Variants in GTSE1 observed in about 807,000 individuals in gnomAD.
The protein encoded by GTSE1 is G2 and S phase-expressed protein 1.
In GTSE1, 52 loss-of-function variants were observed where a neutral mutation model predicts 60.5. The ratio of observed to expected loss-of-function variants is 0.86; its 90% CI spans 0.69 to 1.08. The LOEUF (loss-of-function observed/expected upper bound fraction) is 1.08, where lower values mean the gene tolerates loss of function less well. Among genes scored for constraint, GTSE1 ranks in the 50% least tolerant of loss-of-function variants. The pLI is 0.00. For synonymous variants in GTSE1, 368 were observed against 386.5 expected (o/e 0.95, Z 0.56); for missense variants, 937 against 961.8 (o/e 0.97, Z 0.34).
At position 46,312,254 on chromosome 22, in the gene GTSE1, C is replaced by T. The variant is rs906683787; in HGVS notation, c.876C>T (p.Ala292=). Residue 292 remains alanine (A), a synonymous_variant, in exon 5 of 12, where the codon GCC becomes GCT. Coordinates refer to ENST00000454366, the MANE Select transcript of GTSE1 (RefSeq NM_016426.7). Reference sequence around the variant, plus strand: ...CCCCGGGTGCTGTCAATGTGCCGGCCGCCGGAAGCCACTTGGGCCAGGGCA... The same window carrying T: ...CCCCGGGTGCTGTCAATGTGCCGGCTGCCGGAAGCCACTTGGGCCAGGGCA... ...KPAPGAVNVP[A]AGSHLGQGKR... is the part of the protein sequence containing the mutation. The T allele has an allele frequency of 9.9e-6, 16 of 1,613,922 alleles. No individual in the cohort carries two copies. The highest frequency in any genetic ancestry group is 6.7e-5 in the African/African-American group (5 of 74,934).
At chr22:46,308,022 A>G in intron 2 of GTSE1, 128 bp from the exon 3 acceptor site, 1 of 682,838 alleles carries the variant, frequency 1.5e-6, no homozygotes, top group South Asian at 1.8e-5. Flanking sequence ...AATTAGCATC[A>G]TGACAGGATA....
rs776982097 is a variant in GTSE1, at chr22:46,309,224, G to A, written c.762+281G>A. On this transcript the variant is annotated intron_variant, in intron 4 of 11. Transcript: ENST00000454366. The surrounding 1 kb of genome is among the most constrained non-coding windows in gnomAD (Gnocchi z 6.2). ...ATACCACACAGTAGGGATTTCATTT[G>A]CTTTAATAAGCAACCTCTTCCAAAA... Among the ~76,000 whole-genome samples the A allele has an allele frequency of 2.6e-5, 4 of 152,212 alleles. No homozygotes were observed. Among genetic ancestry groups the A allele is most frequent in the South Asian group, 2.1e-4 (1 of 4,834 alleles).
rs2147825385 is a variant in GTSE1, at chr22:46,317,707, T to C, written c.1432+1295T>C. Among the ~76,000 whole-genome samples, 1 of 152,350 alleles carries C rather than the reference T, an allele frequency of 6.6e-6. No homozygotes were observed. Among genetic ancestry groups the C allele is most frequent in the Middle Eastern group, 3.4e-3 (1 of 294 alleles). On this transcript the variant is annotated intron_variant, in intron 7 of 11. Transcript: ENST00000454366. This position sits in a 1 kb window ranked among gnomAD's most constrained non-coding sequence, Gnocchi z 5.6. ...CGAGGCTTTTTATGCTTTGAAGTGG[T>C]GGGTCTAGCATAGCCTTTCCGCCTC...
At position 46,316,303 on chromosome 22, in the gene GTSE1, T is replaced by C. The variant is rs1041649410; in HGVS notation, c.1323T>C (p.Ser441=). 1.2e-6 allele frequency: 2 copies of C among 1,614,136 alleles called. No homozygotes were observed. Among genetic ancestry groups the C allele is most frequent in the Non-Finnish European group, 1.7e-6 (2 of 1,179,994 alleles). Residue 441 remains serine (S), a synonymous_variant, in exon 7 of 12, where the codon TCT becomes TCC. Coordinates refer to ENST00000454366, the MANE Select transcript of GTSE1 (RefSeq NM_016426.7). This position sits in a 1 kb window ranked among gnomAD's most constrained non-coding sequence, Gnocchi z 5.0. ...LNSSCAWSES[S]QLNKTRSIRR... ...CCAGTTGCGCTTGGTCAGAATCTTC[T>C]CAATTGAATAAGACTAGAAGTATCA...
chr22:46,301,504 T>A (rs1157778935), intron 2 of GTSE1, among the ~76,000 whole-genome samples: 5 of 150,610 alleles, frequency 3.3e-5, no homozygotes, highest in Non-Finnish European at 5.9e-5. Flanking sequence ...TTTTTTTTTT[T>A]AAGACAGAGT....
At position 46,308,611 on chromosome 22, in the gene GTSE1, A is replaced by C; in HGVS notation, c.430A>C (p.Lys144Gln). Reference protein sequence around the residue: ...VERFIQESKLKINLFEKEKEM... With the variant: ...VERFIQESKLQINLFEKEKEM... ...AAGATTCATACAGGAGTCAAAATTA[A>C]AAATAAACCTCTTTGAGAAAGAAAA... The change falls in exon 4 of 12, where the codon AAA (lysine) becomes CAA (glutamine). Residue 144 changes from lysine to glutamine, a missense_variant. Coordinates refer to ENST00000454366, the MANE Select transcript of GTSE1 (RefSeq NM_016426.7). 6.2e-7 allele frequency: 1 copy of C among 1,614,126 alleles called. No individual in the cohort carries two copies. Among genetic ancestry groups the C allele is most frequent in the Non-Finnish European group, 8.5e-7 (1 of 1,180,024 alleles).
chr22:46,323,123 G>A (rs763068796), intron 7 of GTSE1, 67 bp from the exon 8 acceptor site: 11 of 1,020,812 alleles, frequency 1.1e-5, no homozygotes, highest in Non-Finnish European at 1.4e-5. Flanking sequence ...ATTCGGTGAC[G>A]ATCCCCCAAC....
In GTSE1 at chr22:46,329,562, G is replaced by A. The variant is rs774920876; in HGVS notation, c.2131G>A (p.Gly711Arg). 1 of 1,612,424 alleles carries A rather than the reference G, an allele frequency of 6.2e-7. No homozygotes were observed. The highest frequency in any genetic ancestry group is 2.2e-5 in the East Asian group (1 of 44,876). The stretch of plus-strand genomic sequence containing the variant: ...TGTGGCCAAACCTTCACCGGTGGTG[G>A]GACAGGTGAGAAGTGGCAGGTGGTT... ...KNVAKPSPVV[G>R]QLIDLSSPLI... Residue 711 changes from glycine (G) to arginine (R), a missense_variant, in exon 11 of 12, where the codon GGA becomes AGA. Gly to Arg is a moderately radical substitution (Grantham distance 125). Coordinates refer to ENST00000454366, the MANE Select transcript of GTSE1 (RefSeq NM_016426.7). This position sits in a 1 kb window ranked among gnomAD's most constrained non-coding sequence, Gnocchi z 6.4.
In GTSE1 at chr22:46,316,321, A is replaced by T; in HGVS notation, c.1341A>T (p.Arg447Ser). ...WSESSQLNKT[R>S]SIRRRDSCLN... is the part of the protein sequence containing the mutation. The stretch of plus-strand genomic sequence containing the variant: ...AATCTTCTCAATTGAATAAGACTAG[A>T]AGTATCAGACGGCGAGATTCCTGTC... Residue 447 changes from arginine to serine, a missense_variant, in exon 7 of 12, where the codon AGA (arginine) becomes AGT (serine). Transcript: ENST00000454366. The surrounding 1 kb of genome is among the most constrained non-coding windows in gnomAD (Gnocchi z 5.0). 1 of 1,613,844 alleles carries T rather than the reference A, an allele frequency of 6.2e-7. No homozygotes were observed. The highest frequency in any genetic ancestry group is 8.5e-7 in the Non-Finnish European group (1 of 1,179,716).
Position 46,329,307 on chromosome 22 carries a change from G to A in GTSE1, c.1927-51G>A, listed in dbSNP as rs1412368654. Reference sequence around the variant, plus strand: ...AGCAAAGCTCACATTCTCCCAAGATGGTTGCCAGAAAGATGCTGGACTCTG... The same window carrying A: ...AGCAAAGCTCACATTCTCCCAAGATAGTTGCCAGAAAGATGCTGGACTCTG... On this transcript the variant is annotated intron_variant, in intron 10 of 11. Coordinates refer to ENST00000454366, the MANE Select transcript of GTSE1 (RefSeq NM_016426.7). This position sits in a 1 kb window ranked among gnomAD's most constrained non-coding sequence, Gnocchi z 6.4. 7.1e-7 allele frequency: 1 copy of A among 1,403,002 alleles called. No homozygotes were observed. The highest frequency in any genetic ancestry group is 1.4e-5 in the African/African-American group (1 of 70,774). The allele number at this position is 1,403,002 out of a possible 1,614,324, so 86.9% of individuals were successfully genotyped here.
rs2077766898 is a variant in GTSE1 at position 46,314,416 on chromosome 22, T to C, written c.1051+403T>C. Among the ~76,000 whole-genome samples the C allele has an allele frequency of 6.6e-6, 1 of 152,154 alleles. No individual in the cohort carries two copies. The highest frequency in any genetic ancestry group is 2.4e-5 in the African/African-American group (1 of 41,436). ...TTTAAATCCATGCTCCCACACCTGTTTGAGGTCAAGCCACATTTCAACCTT... is the reference window on the plus strand; with the variant it reads ...TTTAAATCCATGCTCCCACACCTGTCTGAGGTCAAGCCACATTTCAACCTT... On this transcript the variant is annotated intron_variant, in intron 6 of 11. Coordinates refer to ENST00000454366, the MANE Select transcript of GTSE1 (RefSeq NM_016426.7). This position sits in a 1 kb window ranked among gnomAD's most constrained non-coding sequence, Gnocchi z 7.1.
In GTSE1 at chr22:46,317,218, C is replaced by T. The variant is rs181818906; in HGVS notation, c.1432+806C>T. On this transcript the variant is annotated intron_variant, in intron 7 of 11. Coordinates refer to ENST00000454366, the MANE Select transcript of GTSE1 (RefSeq NM_016426.7). The surrounding 1 kb of genome is among the most constrained non-coding windows in gnomAD (Gnocchi z 5.6). The stretch of plus-strand genomic sequence containing the variant: ...CTGACCTCAAGTGACCCACCCATCT[C>T]GGCCTCTCAAACTGCTGGGATTATA... Among the ~76,000 whole-genome samples, 351 of 152,290 alleles carry T rather than the reference C, an allele frequency of 2.3e-3. No individual in the cohort carries two copies. The highest frequency in any genetic ancestry group is 7.8e-3 in the African/African-American group (326 of 41,556).
intron 2 of GTSE1, among the ~76,000 whole-genome samples, chr22:46,303,208 C>T (rs1173666806): frequency 6.6e-6 from 1 of 152,110 alleles, no homozygotes; most frequent in Non-Finnish European, 1.5e-5. Context: ...TCTACTTTCC[C>T]TCTTTATTTG....
chr22:46,299,845 T>G (rs2077679216), intron 2 of GTSE1, among the ~76,000 whole-genome samples: 1 of 151,478 alleles, frequency 6.6e-6, no homozygotes. Context: ...CAGGCTGGAG[T>G]GCAGTGGCGT....
rs1377362994 is a variant in GTSE1, at chr22:46,297,811, T to C, written c.79+332T>C. ...GCTGGTTTCTGTTTGCTAAGACTTA[T>C]TTAGGATCTTTGAGACCATGTTAAT... On this transcript the variant is annotated intron_variant, in intron 2 of 11. Coordinates refer to ENST00000454366, the MANE Select transcript of GTSE1 (RefSeq NM_016426.7). The surrounding 1 kb of genome is among the most constrained non-coding windows in gnomAD (Gnocchi z 4.9). Among the ~76,000 whole-genome samples, 1 of 152,166 alleles carries C rather than the reference T, an allele frequency of 6.6e-6. No individual in the cohort carries two copies. The highest frequency in any genetic ancestry group is 1.5e-5 in the Non-Finnish European group (1 of 68,032).
rs1000384712 is a variant in GTSE1 at position 46,329,946 on chromosome 22, G to A, written c.2137-101G>A. The A allele has an allele frequency of 1.1e-5, 8 of 754,586 alleles. No homozygotes were observed. Among genetic ancestry groups the A allele is most frequent in the Non-Finnish European group, 1.9e-5 (8 of 417,968 alleles). 46.7% of individuals were successfully genotyped at this position (754,586 alleles called of 1,614,324 possible). ...TCAGTGCACCCGAGCCAGGATGAGC[G>A]AGTGGCTGTGATGACCCACGCAGCC... is the stretch of plus-strand genomic sequence containing the variant. On this transcript the variant is annotated intron_variant, in intron 11 of 11. Coordinates refer to ENST00000454366, the MANE Select transcript of GTSE1 (RefSeq NM_016426.7). This position sits in a 1 kb window ranked among gnomAD's most constrained non-coding sequence, Gnocchi z 6.4.
chr22:46,299,700 T>C (rs1049438965), intron 2 of GTSE1, among the ~76,000 whole-genome samples: 1 of 152,254 alleles, frequency 6.6e-6, no homozygotes, highest in Non-Finnish European at 1.5e-5. Flanking sequence ...TGTCAGGGGA[T>C]ATTATCTGCT....
At position 46,297,004 on chromosome 22, in the gene GTSE1, G is replaced by T. The variant is rs2077660280; in HGVS notation, c.-22+73G>T. 1 of 190,526 alleles carries T rather than the reference G, an allele frequency of 5.2e-6. No individual in the cohort carries two copies. Among genetic ancestry groups the T allele is most frequent in the Non-Finnish European group, 1.1e-5 (1 of 90,926 alleles). 11.8% of individuals were successfully genotyped at this position (190,526 alleles called of 1,614,324 possible). ...TGCGGCGCGGTGCCCGCCGTTTTCGGGACGGGGAGGGGCCGCGCCCCGCCA... is the reference window on the plus strand; with the variant it reads ...TGCGGCGCGGTGCCCGCCGTTTTCGTGACGGGGAGGGGCCGCGCCCCGCCA... On this transcript the variant is annotated intron_variant, in intron 1 of 11. Coordinates refer to ENST00000454366, the MANE Select transcript of GTSE1 (RefSeq NM_016426.7). This position sits in a 1 kb window ranked among gnomAD's most constrained non-coding sequence, Gnocchi z 4.9.
At chr22:46,305,506 G>A (rs2077710608) in intron 2 of GTSE1, among the ~76,000 whole-genome samples, 1 of 152,144 alleles carries the variant, frequency 6.6e-6, no homozygotes, top group South Asian at 2.1e-4. Flanking sequence ...CTACTCGGGA[G>A]GCTGAGGCAG....
Sources: allele counts gnomAD v4.1 joint callset (sites outside exome capture counted in the v4.1 genomes callset), GRCh38; gene constraint gnomAD v4.1.1; non-coding constraint Gnocchi (gnomAD v3.1); transcripts MANE v1.5; gene names NCBI Gene and HGNC (gene_info 2026-07-23, HGNC 2026-07-21).